KCNH1: variants seen among roughly 807,000 people sequenced by gnomAD.
KCNH1 encodes voltage-gated delayed rectifier potassium channel KCNH1.
KCNH1 carries 27 observed loss-of-function variants against 69.2 expected under a neutral mutation model. The ratio of observed to expected loss-of-function variants is 0.39; its 90% CI spans 0.29 to 0.54. The LOEUF (loss-of-function observed/expected upper bound fraction) is 0.54. KCNH1 is among the 20% of genes least tolerant of loss of function. The probability of loss-of-function intolerance (pLI) is 0.68; values close to 1 mark genes in which losing one functional copy is unlikely to be tolerated. For synonymous variants in KCNH1, 456 were observed against 487.7 expected (o/e 0.93, Z 0.86); for missense variants, 798 against 1,261.6 (o/e 0.63, Z 5.57).
chr1:210,871,067 A>C (rs1270269168), intron 7 of KCNH1, among the ~76,000 whole-genome samples: 2 of 152,200 alleles, frequency 1.3e-5, no homozygotes, highest in Non-Finnish European at 2.9e-5. Context: ...TAATTAAACT[A>C]AAGAGCTTCT....
chr1:210,917,248 AAAGAAAGAAAGAAAGAAAGAAAGAAAG>A (rs975105076), intron 7 of KCNH1, among the ~76,000 whole-genome samples: 3 of 148,568 alleles, frequency 2.0e-5, no homozygotes, highest in Admixed American at 6.6e-5. Flanking sequence ...AGAAAGAAAG[AAAGAAAGAAAGAAAGAAAGAAAGAAAG>A]AAAGAAAAGA....
At chr1:210,993,848 A>C (rs1688976444) in intron 6 of KCNH1, among the ~76,000 whole-genome samples, 1 of 152,170 alleles carries the variant, frequency 6.6e-6, no homozygotes, top group African/African-American at 2.4e-5. Context: ...TTCTCTCACT[A>C]GCTGTGTGCT....
intron 6 of KCNH1, among the ~76,000 whole-genome samples, chr1:211,013,139 T>C (rs1280060858): frequency 6.6e-6 from 1 of 152,160 alleles, no homozygotes; most frequent in Admixed American, 6.5e-5. Flanking sequence ...ATGCTAGCCA[T>C]CTACCTAAAA....
chr1:210,724,851 A>G (rs549120799), intron 10 of KCNH1, among the ~76,000 whole-genome samples: 4 of 152,302 alleles, frequency 2.6e-5, no homozygotes, highest in African/African-American at 9.6e-5. Context: ...TTCAGTTAAT[A>G]GTCCTCATTT....
chr1:210,913,299 A>T lies in KCNH1; in HGVS notation c.1462+6341T>A, dbSNP rs151287885. On this transcript the variant is annotated intron_variant, in intron 7 of 10. Coordinates refer to ENST00000271751, the MANE Select transcript of KCNH1 (RefSeq NM_172362.3). ...TGCCCCATTCCCAAAATAAAAATAA[A>T]CCAAAAATGAAATTAAACAGCATTC... 3.8e-3 allele frequency among the ~76,000 whole-genome samples: 585 copies of T among 152,318 alleles called. 1 individual carries two copies. Among genetic ancestry groups the T allele is most frequent in the Non-Finnish European group, 7.6e-3 (520 of 68,032 alleles).
chr1:210,923,730 T>C (rs146794335), intron 6 of KCNH1, among the ~76,000 whole-genome samples: 3 of 152,368 alleles, frequency 2.0e-5, no homozygotes, highest in Non-Finnish European at 4.4e-5. Context: ...TGCATTAATT[T>C]CCTGCACCTA....
intron 10 of KCNH1, among the ~76,000 whole-genome samples, chr1:210,702,662 C>G (rs1301729590): frequency 1.3e-5 from 2 of 152,176 alleles, no homozygotes; most frequent in Non-Finnish European, 2.9e-5. Flanking sequence ...AGCTGGAAAT[C>G]TTACTATCCC....
chr1:210,743,378 G>A (rs1235509203), intron 10 of KCNH1, among the ~76,000 whole-genome samples: 1 of 152,182 alleles, frequency 6.6e-6, no homozygotes, highest in Non-Finnish European at 1.5e-5. Context: ...TTTGGAATCA[G>A]ATCTCTAGTA....
At chr1:210,743,524 G>A (rs1683084508) in intron 10 of KCNH1, among the ~76,000 whole-genome samples, 1 of 152,168 alleles carries the variant, frequency 6.6e-6, no homozygotes. Flanking sequence ...GCAGTGGGCT[G>A]AGGAACCCTC....
chr1:210,887,619 G>T (rs1686642301), intron 7 of KCNH1, among the ~76,000 whole-genome samples: 1 of 148,790 alleles, frequency 6.7e-6, no homozygotes, highest in South Asian at 2.1e-4. Flanking sequence ...AAAGAGTCAA[G>T]ACCCATCGGT....
At chr1:210,988,708 TA>T in intron 6 of KCNH1, among the ~76,000 whole-genome samples, 1 of 152,332 alleles carries the variant, frequency 6.6e-6, no homozygotes, top group South Asian at 2.1e-4. Flanking sequence ...ATAAACACTC[TA>T]AACAAATGTT....
chr1:210,860,736 C>T, intron 7 of KCNH1: 1 of 783,640 alleles, frequency 1.3e-6, no homozygotes, highest in Admixed American at 1.7e-5. Context: ...TGGCAGCTTC[C>T]ACTTTCACAG....
chr1:211,020,084 C>T (rs1342949570), intron 5 of KCNH1, among the ~76,000 whole-genome samples: 1 of 151,798 alleles, frequency 6.6e-6, no homozygotes, highest in Non-Finnish European at 1.5e-5. Flanking sequence ...TAACAATGCA[C>T]TTCAAGGAAC....
In KCNH1 at chr1:210,895,967, A is replaced by C. The variant is rs984205127; in HGVS notation, c.1462+23673T>G. On this transcript the variant is annotated intron_variant, in intron 7 of 10. Coordinates refer to ENST00000271751, the MANE Select transcript of KCNH1 (RefSeq NM_172362.3). ...GTAATATTGCAGACAACCACGAGAGATTCTGAGTAATTTAGGATGTCAACA... is the reference window on the plus strand; with the variant it reads ...GTAATATTGCAGACAACCACGAGAGCTTCTGAGTAATTTAGGATGTCAACA... Among the ~76,000 whole-genome samples the C allele has an allele frequency of 3.3e-5, 5 of 152,198 alleles. No individual in the cohort carries two copies. In the South Asian group the frequency reaches 1.0e-3, roughly 31 times the overall value.
chr1:210,960,707 G>A (rs921941617), intron 6 of KCNH1, among the ~76,000 whole-genome samples: 2 of 152,116 alleles, frequency 1.3e-5, no homozygotes, highest in African/African-American at 4.8e-5. Context: ...ATATAAAGCT[G>A]CTATGAAGAT....
intron 7 of KCNH1, among the ~76,000 whole-genome samples, chr1:210,834,634 T>C (rs1006791373): frequency 1.3e-5 from 2 of 150,216 alleles, no homozygotes; most frequent in African/African-American, 4.9e-5. Flanking sequence ...TGTATACATA[T>C]GTAACTAACC....
At chr1:210,927,473 T>C (rs772493057) in intron 6 of KCNH1, among the ~76,000 whole-genome samples, 5 of 152,080 alleles carry the variant, frequency 3.3e-5, no homozygotes, top group Non-Finnish European at 5.9e-5. Flanking sequence ...ACTTCATAAA[T>C]GAAGGAAAGA....
chr1:210,739,183 A>G (rs1445682155), intron 10 of KCNH1, among the ~76,000 whole-genome samples: 1 of 152,212 alleles, frequency 6.6e-6, no homozygotes, highest in East Asian at 1.9e-4. Flanking sequence ...ATTACTTTGT[A>G]TCTCTAAAAT....
At chr1:211,002,027 G>T (rs193225673) in intron 6 of KCNH1, among the ~76,000 whole-genome samples, 1,914 of 147,124 alleles carry the variant, frequency 0.013, 18 homozygotes, top group Non-Finnish European at 0.02. Flanking sequence ...TGGGGGGAGT[G>T]GGGGGGGATA....
Sources: gnomAD v4.1 joint callset for allele counts (sites outside exome capture counted in the v4.1 genomes callset) on GRCh38, gnomAD v4.1.1 for gene constraint, MANE v1.5 for transcripts, NCBI Gene and HGNC (gene_info 2026-07-23, HGNC 2026-07-21) for gene names.